Variants in OSBPL8 observed in about 807,000 individuals in gnomAD.
The protein encoded by OSBPL8 is oxysterol-binding protein-related protein 8.
A neutral mutation model predicts 125.5 loss-of-function variants in OSBPL8; 59 were observed. That is an observed-to-expected ratio of 0.47 (90% CI 0.38 to 0.58). OSBPL8 has a LOEUF of 0.58. OSBPL8 is among the 20% of genes least tolerant of loss of function. OSBPL8 has a pLI of 0.00. For synonymous variants in OSBPL8, 330 were observed against 338.9 expected, an observed-to-expected ratio of 0.97 and a Z score of 0.29; for missense variants, 758 against 1,047.8, an observed-to-expected ratio of 0.72 and a Z score of 3.82.
intron 3 of OSBPL8, 59 bp downstream of exon 3, chr12:76,459,800 A>C: frequency 3.2e-6 from 5 of 1,583,912 alleles, no homozygotes; most frequent in Non-Finnish European, 4.3e-6. Context: ...TTTCATAATA[A>C]TCACACATCA....
At chr12:76,512,885 T>C (rs1218733209) in intron 1 of OSBPL8, among the ~76,000 whole-genome samples, 1 of 152,242 alleles carries the variant, frequency 6.6e-6, no homozygotes, top group Non-Finnish European at 1.5e-5. Flanking sequence ...TAATTCTCAT[T>C]ATACAGATCT....
chr12:76,352,204 A>C lies in OSBPL8; in HGVS notation c.*3685T>G, dbSNP rs1951848771. ...CATGGCATTTTTTTTCTTTAAGTGA[A>C]AAATTTTGATACTGTAAAACAGTTT... On this transcript the variant is annotated 3_prime_UTR_variant, in exon 24 of 24. Transcript: ENST00000261183. 6.6e-6 allele frequency: 1 copy of C among 152,586 alleles called. No individual in the cohort carries two copies. The highest frequency in any genetic ancestry group is 1.5e-5 in the Non-Finnish European group (1 of 68,026). The allele number at this position is 152,586 out of a possible 1,614,324, so 9.5% of individuals were successfully genotyped here. A position where few individuals can be genotyped will look rare whatever the true frequency, so the allele number is the denominator to read the frequency against.
intron 2 of OSBPL8, among the ~76,000 whole-genome samples, chr12:76,477,889 T>TA (rs879863434): frequency 5.6e-4 from 80 of 143,922 alleles, no homozygotes; most frequent in African/African-American, 8.1e-4. Context: ...AAAATTAAAC[T>TA]AAAAAAAAAA....
chr12:76,533,996 T>C (rs1018045312), intron 1 of OSBPL8, among the ~76,000 whole-genome samples: 2 of 152,226 alleles, frequency 1.3e-5, no homozygotes, highest in African/African-American at 2.4e-5. Context: ...TAATTGAATA[T>C]GCTACATTTT....
At chr12:76,547,781 A>G (rs1950821700) in intron 1 of OSBPL8, among the ~76,000 whole-genome samples, 1 of 152,212 alleles carries the variant, frequency 6.6e-6, no homozygotes, top group Non-Finnish European at 1.5e-5. Context: ...TATTTTACAC[A>G]CAATTCTAAA....
At chr12:76,357,949 G>A (rs1049531947) in intron 22 of OSBPL8, among the ~76,000 whole-genome samples, 2 of 151,328 alleles carry the variant, frequency 1.3e-5, no homozygotes, top group Admixed American at 6.6e-5. Context: ...TATCTGACTC[G>A]AATAAGAATG....
At chr12:76,496,937 C>T (rs1879339093) in intron 1 of OSBPL8, among the ~76,000 whole-genome samples, 2 of 152,134 alleles carry the variant, frequency 1.3e-5, no homozygotes, top group South Asian at 2.1e-4. Flanking sequence ...CTTCAGCCTC[C>T]CAAAGTGCTG....
intron 9 of OSBPL8, among the ~76,000 whole-genome samples, chr12:76,393,416 T>A (rs1482931484): frequency 1.3e-5 from 2 of 152,016 alleles, no homozygotes; most frequent in South Asian, 2.1e-4. Context: ...TATTTTAATT[T>A]AAAAAAATCA....
At chr12:76,384,852 G>A (rs963934794) in intron 14 of OSBPL8, among the ~76,000 whole-genome samples, 2 of 152,138 alleles carry the variant, frequency 1.3e-5, no homozygotes, top group African/African-American at 4.8e-5. Context: ...TTGACTGCAA[G>A]CTCATTAGAA....
chr12:76,516,923 T>G (rs1212688485), intron 1 of OSBPL8, among the ~76,000 whole-genome samples: 1 of 151,870 alleles, frequency 6.6e-6, no homozygotes, highest in African/African-American at 2.4e-5. Context: ...CAAGTGATTC[T>G]CCTGTCTCGC....
At position 76,419,787 on chromosome 12, in the gene OSBPL8, C is replaced by T. The variant is rs1476090438; in HGVS notation, c.218-9153G>A. Among the ~76,000 whole-genome samples, 4 of 152,260 alleles carry T rather than the reference C, an allele frequency of 2.6e-5. No individual in the cohort carries two copies. In the East Asian group the frequency reaches 7.7e-4, roughly 29 times the overall value. On this transcript the variant is annotated intron_variant, in intron 4 of 23. Transcript: ENST00000261183. ...AAGTCTGTCATATCTTTCTTCTAAT[C>T]TTTTGGTTTTGGAAGTAGTCACAGA...
chr12:76,550,219 T>C (rs574299433), intron 1 of OSBPL8, among the ~76,000 whole-genome samples: 29 of 152,246 alleles, frequency 1.9e-4, no homozygotes, highest in Admixed American at 1.8e-3. Context: ...CAAAGTTAGA[T>C]TTTGGTCATA....
At chr12:76,493,987 C>T (rs1388308256) in intron 1 of OSBPL8, among the ~76,000 whole-genome samples, 4 of 152,092 alleles carry the variant, frequency 2.6e-5, no homozygotes, top group Non-Finnish European at 5.9e-5. Context: ...CTCTATTGCG[C>T]TGTTCTTTTT....
chr12:76,363,853 C>T (rs1280211238), intron 21 of OSBPL8, among the ~76,000 whole-genome samples: 1 of 152,130 alleles, frequency 6.6e-6, no homozygotes, highest in Admixed American at 6.5e-5. Context: ...AGGATATGAA[C>T]AGACACTTTT....
intron 12 of OSBPL8, among the ~76,000 whole-genome samples, chr12:76,389,193 G>A (rs1953452094): frequency 6.6e-6 from 1 of 152,154 alleles, no homozygotes. Flanking sequence ...TGTTCCAAAA[G>A]CTAGCAACTG....
chr12:76,501,575 T>C (rs1879906017), intron 1 of OSBPL8, among the ~76,000 whole-genome samples: 1 of 152,228 alleles, frequency 6.6e-6, no homozygotes, highest in Non-Finnish European at 1.5e-5. Flanking sequence ...TCTGTGATAC[T>C]AGTCAGCCTC....
chr12:76,506,224 G>A (rs189305911), intron 1 of OSBPL8, among the ~76,000 whole-genome samples: 3 of 152,290 alleles, frequency 2.0e-5, no homozygotes, highest in Non-Finnish European at 2.9e-5. Context: ...TATATTGTGG[G>A]AAGACTTGGG....
intron 18 of OSBPL8, 164 bp from the exon 19 acceptor site, chr12:76,371,748 T>A (rs1025555177): frequency 1.4e-5 from 8 of 580,998 alleles, no homozygotes; most frequent in African/African-American, 1.3e-4. Flanking sequence ...AAGTTTCTTA[T>A]CATTTTTATA....
intron 2 of OSBPL8, among the ~76,000 whole-genome samples, chr12:76,467,493 ATAG>A (rs1875600843): frequency 6.6e-6 from 1 of 152,248 alleles, no homozygotes; most frequent in Non-Finnish European, 1.5e-5. Flanking sequence ...TGTATCAGAG[ATAG>A]TAATCAGCTT....
Sources: allele counts gnomAD v4.1 joint callset (sites outside exome capture counted in the v4.1 genomes callset), GRCh38; gene constraint gnomAD v4.1.1; transcripts MANE v1.5; gene names NCBI Gene and HGNC (gene_info 2026-07-23, HGNC 2026-07-21).